STK40: variants seen among roughly 807,000 people sequenced by gnomAD.
STK40 encodes the protein serine/threonine-protein kinase 40.
A neutral mutation model predicts 47.9 loss-of-function variants in STK40; 13 were observed. The ratio of observed to expected loss-of-function variants is 0.27; its 90% CI spans 0.18 to 0.43. STK40 has a LOEUF of 0.43. Among genes scored for constraint, STK40 ranks in the 20% least tolerant of loss-of-function variants. The probability of loss-of-function intolerance (pLI) is 1.00; values close to 1 mark genes in which losing one functional copy is unlikely to be tolerated. For missense variants in STK40, 460 were observed against 595.1 expected, an observed-to-expected ratio of 0.77 and a Z score of 2.36; for synonymous variants, 225 against 243.2, an observed-to-expected ratio of 0.93 and a Z score of 0.69.
chr1:36,346,144 G>A (rs935485929), intron 7 of STK40, among the ~76,000 whole-genome samples: 7 of 150,154 alleles, frequency 4.7e-5, no homozygotes, highest in Non-Finnish European at 7.4e-5. Flanking sequence ...ATAGGCACCC[G>A]CCACCACGCC....
At chr1:36,342,222 T>C (rs1277367583) in intron 10 of STK40, 7 of 536,706 alleles carry the variant, frequency 1.3e-5, no homozygotes, top group Non-Finnish European at 2.4e-5. Flanking sequence ...TCATGCTTCC[T>C]AACTCACTGG....
intron 4 of STK40, among the ~76,000 whole-genome samples, chr1:36,357,008 C>A (rs1646811689): frequency 6.6e-6 from 1 of 152,144 alleles, no homozygotes; most frequent in Non-Finnish European, 1.5e-5. Context: ...AAAGACCTTG[C>A]TGGGGTGTAT....
intron 7 of STK40, among the ~76,000 whole-genome samples, chr1:36,347,249 T>C (rs567981106): frequency 6.6e-6 from 1 of 152,240 alleles, no homozygotes; most frequent in East Asian, 1.9e-4. Flanking sequence ...CGCACTCATG[T>C]GTGGGGTGGG....
In STK40 at chr1:36,340,361, A is replaced by T. The variant is rs1235227903; in HGVS notation, c.*1394T>A. On this transcript the variant is annotated 3_prime_UTR_variant, in exon 11 of 11. Coordinates refer to ENST00000373132, the MANE Select transcript of STK40 (RefSeq NM_001282547.2). ...TGCCCAAGGTCACTCACAGTGAGTC[A>T]GCTTTTTAGGGGGAGGAGAGCGGCT... 1 of 152,744 alleles carries T rather than the reference A, an allele frequency of 6.5e-6. No individual in the cohort carries two copies. Among genetic ancestry groups the T allele is most frequent in the Non-Finnish European group, 1.5e-5 (1 of 68,124 alleles). 9.5% of individuals were successfully genotyped at this position (152,744 alleles called of 1,614,324 possible). A position where few individuals can be genotyped will look rare whatever the true frequency, so the allele number is the denominator to read the frequency against.
chr1:36,347,645 GTTT>G (rs562523525), intron 7 of STK40, among the ~76,000 whole-genome samples: 1 of 146,954 alleles, frequency 6.8e-6, no homozygotes, highest in Admixed American at 6.8e-5. Context: ...AACTTTATGA[GTTT>G]TTTTTTTTCT....
intron 1 of STK40, among the ~76,000 whole-genome samples, chr1:36,373,786 A>C (rs540661365): frequency 4.6e-5 from 7 of 152,338 alleles, no homozygotes; most frequent in Admixed American, 3.3e-4. Flanking sequence ...ACATAATATC[A>C]CATCATTTAA....
Position 36,369,345 on chromosome 1 carries a change from C to A in STK40, c.-8-8005G>T, listed in dbSNP as rs529981952. ...ACCTCAGCCACCTGTGTAAGTGGGG[C>A]TGGGCAATCAGATCCCAGGAGGCTG... On this transcript the variant is annotated intron_variant, in intron 1 of 10. Coordinates refer to ENST00000373132, the MANE Select transcript of STK40 (RefSeq NM_001282547.2). Among the ~76,000 whole-genome samples the A allele has an allele frequency of 1.8e-4, 28 of 152,252 alleles. 1 individual carries two copies. The South Asian group carries it at 5.6e-3, about 30-fold the overall frequency.
At chr1:36,383,132 G>T (rs1323857549) in intron 1 of STK40, among the ~76,000 whole-genome samples, 2 of 152,152 alleles carry the variant, frequency 1.3e-5, no homozygotes, top group Admixed American at 6.5e-5. Context: ...ATTTTTAGTA[G>T]AGAAGGGGTT....
At position 36,341,562 on chromosome 1, in the gene STK40, C is replaced by G. The variant is rs1027861573; in HGVS notation, c.*193G>C. 1.6e-6 allele frequency: 1 copy of G among 617,766 alleles called. No homozygotes were observed. Among genetic ancestry groups the G allele is most frequent in the African/African-American group, 1.8e-5 (1 of 54,152 alleles). The allele number at this position is 617,766 out of a possible 1,614,324, so 38.3% of individuals were successfully genotyped here. On this transcript the variant is annotated 3_prime_UTR_variant, in exon 11 of 11. Transcript: ENST00000373132. ...TTCTCAGATTTAAAAACCAAACAAT[C>G]GAGCAATCATCCCAAAAGGTAGCTT...
At chr1:36,379,648 G>A (rs1647023502) in intron 1 of STK40, among the ~76,000 whole-genome samples, 1 of 152,046 alleles carries the variant, frequency 6.6e-6, no homozygotes, top group Non-Finnish European at 1.5e-5. Flanking sequence ...CTAAAGTGCT[G>A]GGATTACAGG....
chr1:36,364,023 C>T (rs1378961260), intron 1 of STK40, among the ~76,000 whole-genome samples: 1 of 150,982 alleles, frequency 6.6e-6, no homozygotes, highest in Non-Finnish European at 1.5e-5. Flanking sequence ...TGGTGGTGGG[C>T]ACCTGTAGTC....
intron 1 of STK40, among the ~76,000 whole-genome samples, chr1:36,382,572 G>C (rs1216609750): frequency 1.3e-5 from 2 of 152,160 alleles, no homozygotes; most frequent in Non-Finnish European, 2.9e-5. Context: ...TGAATCATCT[G>C]CATGGCTCCC....
intron 1 of STK40, among the ~76,000 whole-genome samples, chr1:36,368,848 C>T (rs931075877): frequency 1.3e-5 from 2 of 152,212 alleles, no homozygotes; most frequent in Non-Finnish European, 2.9e-5. Flanking sequence ...CCTGAACTTG[C>T]AAATTGCATT....
At chr1:36,363,572 C>T (rs939605466) in intron 1 of STK40, among the ~76,000 whole-genome samples, 5 of 151,096 alleles carry the variant, frequency 3.3e-5, no homozygotes, top group Non-Finnish European at 5.9e-5. Context: ...TTTGGGAGGC[C>T]GAAGCGGGCG....
At chr1:36,379,644 T>G (rs960056318) in intron 1 of STK40, among the ~76,000 whole-genome samples, 1 of 152,038 alleles carries the variant, frequency 6.6e-6, no homozygotes, top group Non-Finnish European at 1.5e-5. Flanking sequence ...CCTCCTAAAG[T>G]GCTGGGATTA....
intron 1 of STK40, among the ~76,000 whole-genome samples, chr1:36,365,588 G>C (rs1484361509): frequency 6.6e-6 from 1 of 152,208 alleles, no homozygotes; most frequent in Admixed American, 6.5e-5. Context: ...GCAGAGAAGG[G>C]TAAAACTGCT....
At chr1:36,342,284 A>C (rs568016927) in intron 10 of STK40, 76 of 391,268 alleles carry the variant, frequency 1.9e-4, no homozygotes, top group African/African-American at 1.4e-3. Flanking sequence ...GGCCCCTCGC[A>C]AAGGTTCTCT....
intron 1 of STK40, among the ~76,000 whole-genome samples, chr1:36,384,184 C>A (rs1327806146): frequency 2.0e-5 from 3 of 152,262 alleles, no homozygotes; most frequent in Admixed American, 6.5e-5. Context: ...CCTGTGCCAC[C>A]ATGCCCAGCT....
chr1:36,368,757 G>T (rs988133366), intron 1 of STK40, among the ~76,000 whole-genome samples: 10 of 152,192 alleles, frequency 6.6e-5, no homozygotes, highest in African/African-American at 2.4e-4. Flanking sequence ...GAGAAAAAAG[G>T]TATAAAAGAC....
Sources: gnomAD v4.1 joint callset for allele counts (sites outside exome capture counted in the v4.1 genomes callset) on GRCh38, gnomAD v4.1.1 for gene constraint, MANE v1.5 for transcripts, NCBI Gene and HGNC (gene_info 2026-07-23, HGNC 2026-07-21) for gene names.